Variants in CCAR2 observed in about 807,000 individuals in gnomAD.
CCAR2 encodes the protein cell cycle and apoptosis regulator 2.
CCAR2 carries 21 observed loss-of-function variants against 108.1 expected under a neutral mutation model. The ratio of observed to expected loss-of-function variants is 0.19; its 90% CI spans 0.14 to 0.28. The LOEUF is 0.28. Ranked by LOEUF, CCAR2 falls within the 10% of genes least tolerant of loss-of-function variation. The pLI is 1.00. For missense variants in CCAR2, 1,126 were observed against 1,177.0 expected (o/e 0.96, Z 0.63); for synonymous variants, 577 against 472.8 (o/e 1.22, Z -2.86).
rs1801691933 is a variant in CCAR2 at position 22,619,797 on chromosome 8, G to T, written c.*115G>T. Reference sequence around the variant, plus strand: ...AGACCTGGGAGCCAGGGCAGGGGTGGCTGACCCCATGCTCAGCCTCTAGGG... The same window carrying T: ...AGACCTGGGAGCCAGGGCAGGGGTGTCTGACCCCATGCTCAGCCTCTAGGG... On this transcript the variant is annotated 3_prime_UTR_variant, in exon 21 of 21. Coordinates refer to ENST00000308511, the MANE Select transcript of CCAR2 (RefSeq NM_001393997.1). 11 of 1,151,904 alleles carry T rather than the reference G, an allele frequency of 9.5e-6. No homozygotes were observed. The highest frequency in any genetic ancestry group is 2.7e-4 in the Middle Eastern group (1 of 3,662). The allele number at this position is 1,151,904 out of a possible 1,614,324, so 71.4% of individuals were successfully genotyped here. A position where few individuals can be genotyped will look rare whatever the true frequency, so the allele number is the denominator to read the frequency against.
rs1800993949 is a variant in CCAR2 at position 22,604,797 on chromosome 8, GT to G, written c.-82del. The stretch of plus-strand genomic sequence containing the variant: ...GGCGGCGGCAGCAGCGGCTGTGGTG[GT>G]TCCGGGTGTCTTTGTCCCCCCGGTG... On this transcript the variant is annotated 5_prime_UTR_variant, in exon 1 of 21. Coordinates refer to ENST00000308511, the MANE Select transcript of CCAR2 (RefSeq NM_001393997.1). The G allele has an allele frequency of 1.3e-5, 6 of 455,660 alleles. No individual in the cohort carries two copies. The allele number at this position is 455,660 out of a possible 1,614,324, so 28.2% of individuals were successfully genotyped here. A position where few individuals can be genotyped will look rare whatever the true frequency, so the allele number is the denominator to read the frequency against.
intron 8 of CCAR2, 60 bp from the exon 9 acceptor site, chr8:22,614,027 TGATGG>T: frequency 6.8e-7 from 1 of 1,469,730 alleles, no homozygotes; most frequent in Admixed American, 2.0e-5. Flanking sequence ...TTCAAATCTT[TGATGG>T]TTTCATTTCG....
intron 7 of CCAR2, among the ~76,000 whole-genome samples, chr8:22,608,683 A>G (rs1675453895): frequency 6.6e-6 from 1 of 152,126 alleles, no homozygotes; most frequent in Non-Finnish European, 1.5e-5. Flanking sequence ...TCTTCTCTCC[A>G]GTTCACATGT....
rs1295522025 is a variant in CCAR2 at position 22,614,119 on chromosome 8, G to A, written c.732G>A (p.Gln244=). The change falls in exon 9 of 21, where the codon CAG becomes CAA. Residue 244 remains glutamine, a synonymous_variant. Coordinates refer to ENST00000308511, the MANE Select transcript of CCAR2 (RefSeq NM_001393997.1). ...CCATCTGTGACTTCCTAGAACTCCA[G>A]CGCCGTTACCGCAGCCTCCTGGTCC... ...DSPICDFLEL[Q]RRYRSLLVPS... The A allele has an allele frequency of 1.9e-6, 3 of 1,613,960 alleles. 1 individual carries two copies. The South Asian group carries it at 3.3e-5, about 18-fold the overall frequency.
At position 22,618,332 on chromosome 8, in the gene CCAR2, C is replaced by T. The variant is rs1455586400; in HGVS notation, c.2074-17C>T. On this transcript the variant is annotated splice_polypyrimidine_tract_variant and intron_variant, in intron 16 of 20. Transcript: ENST00000308511. Reference sequence around the variant, plus strand: ...GGAACTATTTGCAAATCCTGCTCATCTTTGTTTTCTTTGCAGCCCAAGGAG... The same window carrying T: ...GGAACTATTTGCAAATCCTGCTCATTTTTGTTTTCTTTGCAGCCCAAGGAG... The T allele has an allele frequency of 6.2e-7, 1 of 1,614,154 alleles. No homozygotes were observed. The highest frequency in any genetic ancestry group is 8.5e-7 in the Non-Finnish European group (1 of 1,179,978).
chr8:22,619,587 T>G (rs924238542), intron 20 of CCAR2, 51 bp from the exon 21 acceptor site: 28 of 1,542,670 alleles, frequency 1.8e-5, no homozygotes, highest in Non-Finnish European at 2.5e-5. Flanking sequence ...TCCGCAGTCC[T>G]CAGATCACCT....
intron 13 of CCAR2, 24 bp from the exon 14 acceptor site, chr8:22,615,988 T>C (rs375102182): frequency 2.5e-6 from 4 of 1,613,332 alleles, no homozygotes; most frequent in Non-Finnish European, 3.4e-6. Context: ...CTGATGCTCA[T>C]GGACCCTCCC....
Position 22,617,840 on chromosome 8 carries a change from C to G in CCAR2, c.2073+62C>G, listed in dbSNP as rs576957636. ...TGGTGAGGCTTGGCAAGGCCTCTGG[C>G]CCACTCCTGGGAGAAGGATGCTTAC... is the stretch of plus-strand genomic sequence containing the variant. On this transcript the variant is annotated intron_variant, in intron 16 of 20. Transcript: ENST00000308511. The G allele has an allele frequency of 1.2e-4, 184 of 1,531,672 alleles. 1 individual carries two copies. In the South Asian group the frequency reaches 1.9e-3, roughly 16 times the overall value. 94.9% of individuals were successfully genotyped at this position (1,531,672 alleles called of 1,614,324 possible). A position where few individuals can be genotyped will look rare whatever the true frequency, so the allele number is the denominator to read the frequency against.
Position 22,615,768 on chromosome 8 carries a change from C to A in CCAR2, c.1464C>A (p.Thr488=). ...SRRNAETPEA[T]TQQETDTDLP... Reference sequence around the variant, plus strand: ...GGAACGCAGAAACTCCAGAGGCCACCACACAGCAGGAAACGGACACTGATC... The same window carrying A: ...GGAACGCAGAAACTCCAGAGGCCACAACACAGCAGGAAACGGACACTGATC... Residue 488 remains threonine (T), a synonymous_variant, in exon 13 of 21, where the codon ACC becomes ACA. Transcript: ENST00000308511. 6.2e-7 allele frequency: 1 copy of A among 1,613,844 alleles called. No homozygotes were observed. The highest frequency in any genetic ancestry group is 1.3e-5 in the African/African-American group (1 of 74,930).
Position 22,618,386 on chromosome 8 carries a change from ACTGT to A in CCAR2, c.2115_2118del (p.Ala708LeufsTer17). ...GATCCCTCTGCTGTGCTCCCCTTAG[ACTGT>A]CTGCTTGCTTTTGTGTTCTTTGATG... On this transcript the variant is annotated frameshift_variant, in exon 17 of 21. Coordinates refer to ENST00000308511, the MANE Select transcript of CCAR2 (RefSeq NM_001393997.1). LOFTEE classifies it high-confidence loss of function. The A allele has an allele frequency of 6.2e-7, 1 of 1,614,014 alleles. No individual in the cohort carries two copies. The highest frequency in any genetic ancestry group is 8.5e-7 in the Non-Finnish European group (1 of 1,179,980).
At chr8:22,619,579 C>T (rs570061665) in intron 20 of CCAR2, 59 bp from the exon 21 acceptor site, 23 of 1,538,612 alleles carry the variant, frequency 1.5e-5, no homozygotes, top group South Asian at 9.5e-5. Flanking sequence ...GTCCGCAGTC[C>T]GCAGTCCTCA....
chr8:22,618,181 C>T, intron 16 of CCAR2, 168 bp from the exon 17 acceptor site: 3 of 840,954 alleles, frequency 3.6e-6, no homozygotes, highest in Non-Finnish European at 5.7e-6. Flanking sequence ...GCCTCGAACT[C>T]CTGGGTTCAA....
rs200942064 is a variant in CCAR2, at chr8:22,611,386, A to ATGTGTGTGTGTGTGTGTGTGTGTGTG, written c.585-1630_585-1629insGTGTGTGTGTGTGTGTGTGTGTGTGT. Among the ~76,000 whole-genome samples, 52 of 9,008 alleles carry ATGTGTGTGTGTGTGTGTGTGTGTGTG rather than the reference A, an allele frequency of 5.8e-3. 1 individual carries two copies. Among genetic ancestry groups the ATGTGTGTGTGTGTGTGTGTGTGTGTG allele is most frequent in the African/African-American group, 0.015 (49 of 3,322 alleles). The allele number at this position is 9,008 out of a possible 152,430, so 5.9% of individuals were successfully genotyped here. ...AAAAAAAAAAAAAAAAAAAGTATAT[A>ATGTGTGTGTGTGTGTGTGTGTGTGTG]TATGTGTGTGTGTGTGTGTATGTGT... is the stretch of plus-strand genomic sequence containing the variant. On this transcript the variant is annotated intron_variant, in intron 7 of 20. Transcript: ENST00000308511.
chr8:22,607,168 C>G (rs368815055), intron 5 of CCAR2, 28 bp from the exon 6 acceptor site: 6 of 1,612,848 alleles, frequency 3.7e-6, no homozygotes, highest in Non-Finnish European at 5.1e-6. Flanking sequence ...CATGGGGTCC[C>G]CTGAATTTCC....
chr8:22,621,229 T>A (rs1801793659), downstream of CCAR2: 1 of 673,294 alleles, frequency 1.5e-6, no homozygotes, highest in African/African-American at 1.8e-5. Context: ...CTGCTGGGGC[T>A]GTGAGTGGGG....
In CCAR2 at chr8:22,620,135, T is replaced by C. The variant is rs199624712; in HGVS notation, c.*453T>C. 3 of 173,514 alleles carry C rather than the reference T, an allele frequency of 1.7e-5. No homozygotes were observed. Among genetic ancestry groups the C allele is most frequent in the Non-Finnish European group, 3.7e-5 (3 of 80,174 alleles). The allele number at this position is 173,514 out of a possible 1,614,324, so 10.7% of individuals were successfully genotyped here. A position where few individuals can be genotyped will look rare whatever the true frequency, so the allele number is the denominator to read the frequency against. On this transcript the variant is annotated 3_prime_UTR_variant, in exon 21 of 21. Coordinates refer to ENST00000308511, the MANE Select transcript of CCAR2 (RefSeq NM_001393997.1). ...GCCCCCTCCTCCGGATGGCACAGGC[T>C]CTGCTAGGTTCCGGACACAGGCTTC...
rs754623184 is a variant in CCAR2, at chr8:22,618,991, A to G, written c.2497A>G (p.Ile833Val). Residue 833 changes from isoleucine (I) to valine (V), a missense_variant, in exon 19 of 21, where the codon ATC becomes GTC. By Grantham distance (29) the Ile-to-Val change is conservative. Coordinates refer to ENST00000308511, the MANE Select transcript of CCAR2 (RefSeq NM_001393997.1). ...DSGRLYLENK[I>V]HTLELKLEES... ...CGGCCGGCTCTACCTAGAGAACAAG[A>G]TCCACACACTGGAGCTGAAGCTGGG... is the stretch of plus-strand genomic sequence containing the variant. The G allele has an allele frequency of 1.9e-6, 3 of 1,613,418 alleles. No individual in the cohort carries two copies. Among genetic ancestry groups the G allele is most frequent in the South Asian group, 2.2e-5 (2 of 91,072 alleles).
At position 22,613,014 on chromosome 8, in the gene CCAR2, T is replaced by A; in HGVS notation, c.585-3T>A. The A allele has an allele frequency of 6.2e-7, 1 of 1,612,490 alleles. No homozygotes were observed. Among genetic ancestry groups the A allele is most frequent in the Middle Eastern group, 1.7e-4 (1 of 5,804 alleles). ...TTACTGTTGGTGATGGGTCAACCTCTAGTGATGACTATGACTCCAAGAAAC... is the reference window on the plus strand; with the variant it reads ...TTACTGTTGGTGATGGGTCAACCTCAAGTGATGACTATGACTCCAAGAAAC... On this transcript the variant is annotated splice_polypyrimidine_tract_variant and splice_region_variant and intron_variant, in intron 7 of 20. Transcript: ENST00000308511.
Position 22,614,272 on chromosome 8 carries a change from T to C in CCAR2, c.885T>C (p.Ala295=), listed in dbSNP as rs1801408499. The C allele has an allele frequency of 1.2e-6, 2 of 1,614,138 alleles. No individual in the cohort carries two copies. ...AGGAGGCAGCTCCAGACGCTGGTGC[T>C]GAGCCCATCACTGCAGACAGTGACC... The part of the protein sequence containing the change: ...SEKEAAPDAG[A]EPITADSDPA... Residue 295 remains alanine, a synonymous_variant, in exon 9 of 21, where the codon GCT becomes GCC. Transcript: ENST00000308511.
Sources: allele counts gnomAD v4.1 joint callset (sites outside exome capture counted in the v4.1 genomes callset), GRCh38; gene constraint gnomAD v4.1.1; transcripts MANE v1.5; gene names NCBI Gene and HGNC (gene_info 2026-07-23, HGNC 2026-07-21).